The following RNF10 variants were observed in gnomAD, a reference collection of about 807,000 sequenced individuals.
RNF10 encodes the protein E3 ubiquitin-protein ligase RNF10.
RNF10 carries 38 observed loss-of-function variants against 91.4 expected under a neutral mutation model. The observed-to-expected ratio is 0.42, with a 90% CI of 0.32 to 0.54. The LOEUF (loss-of-function observed/expected upper bound fraction) is 0.54. RNF10 is among the 20% of genes least tolerant of loss of function. The probability of loss-of-function intolerance (pLI) is 0.16; values close to 1 mark genes in which losing one functional copy is unlikely to be tolerated. For synonymous variants in RNF10, 364 were observed against 366.3 expected, an observed-to-expected ratio of 0.99 and a Z score of 0.07; for missense variants, 945 against 1,012.0, an observed-to-expected ratio of 0.93 and a Z score of 0.90.
chr12:120,568,326 T>C (rs2137250188), intron 13 of RNF10, among the ~76,000 whole-genome samples: 1 of 152,272 alleles, frequency 6.6e-6, no homozygotes, highest in South Asian at 2.1e-4. Flanking sequence ...TGGATTGAAA[T>C]GTTCAAATGG....
intron 13 of RNF10, among the ~76,000 whole-genome samples, chr12:120,568,200 G>A (rs983264771): frequency 6.6e-6 from 1 of 151,874 alleles, no homozygotes; most frequent in African/African-American, 2.4e-5. Context: ...AGCCCAGATT[G>A]GGCCACTGCA....
At position 120,534,955 on chromosome 12, in the gene RNF10, T is replaced by G. The variant is rs1364808438; in HGVS notation, c.144T>G (p.Ser48=). 30 of 1,599,858 alleles carry G rather than the reference T, an allele frequency of 1.9e-5. No homozygotes were observed. The highest frequency in any genetic ancestry group is 2.5e-5 in the Non-Finnish European group (30 of 1,178,906). The part of the protein sequence containing the change: ...RSASAGPAGE[S]KPKSDGKNSS... ...CCTCGGCGGGGCCAGCCGGCGAGTC[T>G]AAACCCAAGAGCGGTAAGGACGGGC... is the stretch of plus-strand genomic sequence containing the variant. The change falls in exon 1 of 17, where the codon TCT becomes TCG. Residue 48 remains serine, a synonymous_variant. Transcript: ENST00000325954.
chr12:120,557,482 T>G lies in RNF10; in HGVS notation c.830+16T>G, dbSNP rs1234788558. On this transcript the variant is annotated intron_variant, in intron 5 of 16. Coordinates refer to ENST00000325954, the MANE Select transcript of RNF10 (RefSeq NM_014868.5). ...ATCTCAAGAGGTGAGATTGAGACAT[T>G]TACTCAGTTAGATCCCAATCTCTTC... is the stretch of plus-strand genomic sequence containing the variant. 1 of 1,613,618 alleles carries G rather than the reference T, an allele frequency of 6.2e-7. No homozygotes were observed. The highest frequency in any genetic ancestry group is 8.5e-7 in the Non-Finnish European group (1 of 1,179,532).
intron 1 of RNF10, among the ~76,000 whole-genome samples, chr12:120,541,894 T>G (rs1425526973): frequency 2.0e-5 from 3 of 149,702 alleles, no homozygotes; most frequent in Non-Finnish European, 4.4e-5. Flanking sequence ...TGAGATGGAG[T>G]CTCACTGTGT....
Position 120,552,514 on chromosome 12 carries a change from CGGGCAG to C in RNF10, c.371_376del (p.Arg124_Glu126delinsGln). On this transcript the variant is annotated inframe_deletion, in exon 3 of 17. Transcript: ENST00000325954. Reference sequence around the variant, plus strand: ...TTCTCTCTAGGTAGCAGAGGCTCAACGGGCAGAGTTTAGCCCTGCCCAGTTCTCTGG... The same window carrying C: ...TTCTCTCTAGGTAGCAGAGGCTCAACAGTTTAGCCCTGCCCAGTTCTCTGG... The C allele has an allele frequency of 6.2e-7, 1 of 1,612,976 alleles. No individual in the cohort carries two copies.
In RNF10 at chr12:120,554,750, A is replaced by G. The variant is rs1253648910; in HGVS notation, c.587A>G (p.Tyr196Cys). The G allele has an allele frequency of 6.2e-7, 1 of 1,614,144 alleles. No individual in the cohort carries two copies. The highest frequency in any genetic ancestry group is 8.5e-7 in the Non-Finnish European group (1 of 1,179,984). ...CQFVVSEDQD[Y>C]TAHFADPDTL... Reference sequence around the variant, plus strand: ...TTTGTGGTGTCTGAAGACCAAGACTACACAGCTCATTTTGCTGATCCTGAT... The same window carrying G: ...TTTGTGGTGTCTGAAGACCAAGACTGCACAGCTCATTTTGCTGATCCTGAT... Residue 196 changes from tyrosine to cysteine, a missense_variant, in exon 4 of 17, where the codon TAC becomes TGC. Physicochemically the swap from Tyr to Cys is radical, Grantham distance 194. Coordinates refer to ENST00000325954, the MANE Select transcript of RNF10 (RefSeq NM_014868.5).
chr12:120,552,435 G>A, intron 2 of RNF10, 64 bp from the exon 3 acceptor site: 1 of 1,364,072 alleles, frequency 7.3e-7, no homozygotes, highest in Non-Finnish European at 1.0e-6. Context: ...GGTTTTTTTT[G>A]GGTTTCTGCT....
At position 120,563,257 on chromosome 12, in the gene RNF10, A is replaced by T. The variant is rs1333928541; in HGVS notation, c.1255-90A>T. Reference sequence around the variant, plus strand: ...AACACGACAGCTAAGATAAACATCTAGGGAGCTTGGCTCTTAGGTCTGCAT... The same window carrying T: ...AACACGACAGCTAAGATAAACATCTTGGGAGCTTGGCTCTTAGGTCTGCAT... On this transcript the variant is annotated intron_variant, in intron 8 of 16. Transcript: ENST00000325954. 2.7e-6 allele frequency: 4 copies of T among 1,501,598 alleles called. No homozygotes were observed. The East Asian group carries it at 9.1e-5, about 34-fold the overall frequency. 93.0% of individuals were successfully genotyped at this position (1,501,598 alleles called of 1,614,324 possible).
At chr12:120,541,728 C>T (rs1871605346) in intron 1 of RNF10, among the ~76,000 whole-genome samples, 1 of 151,162 alleles carries the variant, frequency 6.6e-6, no homozygotes, top group South Asian at 2.1e-4. Context: ...GCCATCGTGC[C>T]TGGCTTTTTT....
chr12:120,557,805 A>G (rs1362315426), intron 6 of RNF10, 123 bp downstream of exon 6: 6 of 1,061,852 alleles, frequency 5.7e-6, no homozygotes, highest in African/African-American at 3.2e-5. Context: ...CATATTAGTC[A>G]TAGGATTCCA....
At chr12:120,539,419 G>A (rs1407734554) in intron 1 of RNF10, 1 of 1,289,016 alleles carries the variant, frequency 7.8e-7, no homozygotes, top group Admixed American at 2.3e-5. Flanking sequence ...TCTGTAGTAA[G>A]GCCATATGTT....
chr12:120,539,151 C>T (rs1188723740), intron 1 of RNF10, among the ~76,000 whole-genome samples: 1 of 152,070 alleles, frequency 6.6e-6, no homozygotes, highest in Non-Finnish European at 1.5e-5. Flanking sequence ...TTTCTTAATC[C>T]TCATGATTCT....
chr12:120,537,699 G>A (rs1211733165), intron 1 of RNF10, among the ~76,000 whole-genome samples: 4 of 151,756 alleles, frequency 2.6e-5, no homozygotes, highest in African/African-American at 4.8e-5. Flanking sequence ...TTTGTTTAAT[G>A]TGTGTGTTAG....
At position 120,556,455 on chromosome 12, in the gene RNF10, C is replaced by T. The variant is rs561437589; in HGVS notation, c.646-827C>T. Among the ~76,000 whole-genome samples, 58 of 130,898 alleles carry T rather than the reference C, an allele frequency of 4.4e-4. No individual in the cohort carries two copies. The South Asian group carries it at 0.01, about 23-fold the overall frequency. 85.9% of individuals were successfully genotyped at this position (130,898 alleles called of 152,430 possible). A position where few individuals can be genotyped will look rare whatever the true frequency, so the allele number is the denominator to read the frequency against. ...CTGAGGCAGGAGAATGGCGTGAACC[C>T]GGGAGATGGAGCTTGCAGTGAGCCG... On this transcript the variant is annotated intron_variant, in intron 4 of 16. Transcript: ENST00000325954.
At chr12:120,563,679 C>A (rs1045240272) in intron 9 of RNF10, 56 bp downstream of exon 9, 20 of 1,567,348 alleles carry the variant, frequency 1.3e-5, no homozygotes. Flanking sequence ...AGAGGTGACC[C>A]GGTGCTCTAA....
chr12:120,557,096 A>G (rs921064401), intron 4 of RNF10, among the ~76,000 whole-genome samples, 186 bp from the exon 5 acceptor site: 1 of 151,840 alleles, frequency 6.6e-6, no homozygotes, highest in African/African-American at 2.4e-5. Flanking sequence ...AAAAAAAAAA[A>G]AAAAAGAAAA....
intron 5 of RNF10, 24 bp from the exon 6 acceptor site, chr12:120,557,522 T>C (rs2137202495): frequency 6.2e-7 from 1 of 1,614,060 alleles, no homozygotes; most frequent in South Asian, 1.1e-5. Context: ...CTTGCCCTGC[T>C]ACATATGAGT....
intron 12 of RNF10, among the ~76,000 whole-genome samples, chr12:120,566,240 A>AT (rs1232583019): frequency 7.2e-5 from 11 of 152,140 alleles, no homozygotes; most frequent in South Asian, 4.1e-4. Context: ...CAGGAATAGG[A>AT]TTTTTTGTTT....
Position 120,563,626 on chromosome 12 carries a change from G to A in RNF10, c.1531+3G>A. The A allele has an allele frequency of 6.3e-7, 1 of 1,590,302 alleles. No homozygotes were observed. Among genetic ancestry groups the A allele is most frequent in the Non-Finnish European group, 8.6e-7 (1 of 1,167,430 alleles). ...TCCTTGTTACTACTTTTACCAAGGT[G>A]AGGGTGCCGGAAGAGAGGGCTGGGT... On this transcript the variant is annotated splice_donor_region_variant and intron_variant, in intron 9 of 16. Transcript: ENST00000325954.
Sources: gnomAD v4.1 joint callset for allele counts (sites outside exome capture counted in the v4.1 genomes callset) on GRCh38, gnomAD v4.1.1 for gene constraint, MANE v1.5 for transcripts, NCBI Gene and HGNC (gene_info 2026-07-23, HGNC 2026-07-21) for gene names.